ZC3H11A: variants seen among roughly 807,000 people sequenced by gnomAD.
ZC3H11A encodes zinc finger CCCH-type containing 11A.
Under a neutral mutation model 90.8 loss-of-function variants are expected in ZC3H11A, and 22 were observed. The observed-to-expected ratio is 0.24, with a 90% confidence interval of 0.17 to 0.35. The LOEUF is 0.35. Ranked by LOEUF, ZC3H11A falls within the 10% of genes least tolerant of loss-of-function variation. The pLI, the probability that ZC3H11A is intolerant of heterozygous loss-of-function variation, is 1.00. For synonymous variants in ZC3H11A, 294 were observed against 339.8 expected, an observed-to-expected ratio of 0.87 and a Z score of 1.48; for missense variants, 701 against 964.9, an observed-to-expected ratio of 0.73 and a Z score of 3.62.
chr1:203,833,618 G>GTTGTT (rs1683192614), intron 9 of ZC3H11A, among the ~76,000 whole-genome samples, 173 bp from the exon 10 acceptor site: 1 of 124,832 alleles, frequency 8.0e-6, no homozygotes, highest in African/African-American at 2.9e-5. Flanking sequence ...ATAGGTTTGG[G>GTTGTT]TTTTTTTTTT....
chr1:203,803,161 T>C (rs1432478890), intron 2 of ZC3H11A, 145 bp downstream of exon 2: 1 of 152,194 alleles, frequency 6.6e-6, no homozygotes, highest in Non-Finnish European at 1.5e-5. Context: ...ATTTTTAGTT[T>C]TGGGATGGAA....
intron 2 of ZC3H11A, among the ~76,000 whole-genome samples, chr1:203,811,476 G>A (rs1674477759): frequency 6.6e-6 from 1 of 152,144 alleles, no homozygotes. Flanking sequence ...GATTTTGTGA[G>A]TGAGATTGAC....
intron 10 of ZC3H11A, 93 bp from the exon 11 acceptor site, chr1:203,837,873 C>A: frequency 1.7e-6 from 2 of 1,189,108 alleles, no homozygotes; most frequent in Non-Finnish European, 2.4e-6. Flanking sequence ...GAACACTTAA[C>A]AGAATTATGC....
Position 203,847,388 on chromosome 1 carries a change from G to A in ZC3H11A, c.1247G>A (p.Arg416Gln), listed in dbSNP as rs369444140. Reference protein sequence around the residue: ...FSEVLAEKKHRQQEAERQKSK... With the variant: ...FSEVLAEKKHQQQEAERQKSK... Reference sequence around the variant, plus strand: ...GAGGTCCTGGCTGAAAAAAAACATCGGCAGCAGGAAGCAGAGAGACAAAAA... The same window carrying A: ...GAGGTCCTGGCTGAAAAAAAACATCAGCAGCAGGAAGCAGAGAGACAAAAA... The change falls in exon 13 of 18, where the codon CGG becomes CAG. Residue 416 changes from arginine (R) to glutamine (Q), a missense_variant. Coordinates refer to ENST00000367210, the MANE Select transcript of ZC3H11A (RefSeq NM_001376342.1). 4.5e-5 allele frequency: 72 copies of A among 1,613,642 alleles called. No homozygotes were observed. Among genetic ancestry groups the A allele is most frequent in the Non-Finnish European group, 5.8e-5 (69 of 1,179,852 alleles).
chr1:203,795,931 T>C (rs1274882551), intron 1 of ZC3H11A, 137 bp downstream of exon 1: 1 of 151,918 alleles, frequency 6.6e-6, no homozygotes, highest in East Asian at 2.0e-4. Flanking sequence ...ATCCTTCAGC[T>C]TCGCCGTAAC....
At chr1:203,848,444 A>T in intron 14 of ZC3H11A, 37 bp downstream of exon 14, 2 of 1,514,112 alleles carry the variant, frequency 1.3e-6, no homozygotes, top group Non-Finnish European at 1.8e-6. Context: ...TGTTCATGGC[A>T]AACAAAGGCT....
At chr1:203,807,044 T>G (rs951433318) in intron 2 of ZC3H11A, among the ~76,000 whole-genome samples, 2 of 151,996 alleles carry the variant, frequency 1.3e-5, no homozygotes, top group Non-Finnish European at 2.9e-5. Context: ...GTAGTGTTAT[T>G]TATTTTATTT....
intron 12 of ZC3H11A, among the ~76,000 whole-genome samples, chr1:203,844,952 C>T (rs1239741765): frequency 6.6e-6 from 1 of 152,024 alleles, no homozygotes; most frequent in Non-Finnish European, 1.5e-5. Context: ...TTTTAGGGAG[C>T]AGTTCTCAGG....
rs181968774 is a variant in ZC3H11A at position 203,801,798 on chromosome 1, C to A, written c.-1364C>A. On this transcript the variant is annotated 5_prime_UTR_variant, in exon 2 of 18. Coordinates refer to ENST00000367210, the MANE Select transcript of ZC3H11A (RefSeq NM_001376342.1). ...AGAACTCATTTCTATGTATCAAAATCGGGTTTTTTTTGGTTTTGATTTTTT... is the reference window on the plus strand; with the variant it reads ...AGAACTCATTTCTATGTATCAAAATAGGGTTTTTTTTGGTTTTGATTTTTT... 7.3e-6 allele frequency: 1 copy of A among 137,216 alleles called. No homozygotes were observed. Among genetic ancestry groups the A allele is most frequent in the East Asian group, 2.2e-4 (1 of 4,530 alleles). 8.5% of individuals were successfully genotyped at this position (137,216 alleles called of 1,614,324 possible).
At chr1:203,829,758 T>C in intron 6 of ZC3H11A, 22 bp from the exon 7 acceptor site, 2 of 1,613,142 alleles carry the variant, frequency 1.2e-6, no homozygotes, top group Non-Finnish European at 1.7e-6. Context: ...ATTGTGAATT[T>C]GCCTTAAATG....
At chr1:203,797,663 G>T in intron 1 of ZC3H11A, 2 of 1,535,958 alleles carry the variant, frequency 1.3e-6, no homozygotes, top group South Asian at 2.4e-5. Context: ...AGGAAAAGAT[G>T]GTAGCAGAAG....
chr1:203,798,669 A>T, intron 1 of ZC3H11A: 1 of 1,536,152 alleles, frequency 6.5e-7, no homozygotes, highest in Non-Finnish European at 8.7e-7. Flanking sequence ...TGAAAGTCCT[A>T]TTCCCGTTGC....
intron 2 of ZC3H11A, among the ~76,000 whole-genome samples, chr1:203,813,335 T>C (rs931295353): frequency 6.6e-6 from 1 of 152,134 alleles, no homozygotes; most frequent in Non-Finnish European, 1.5e-5. Context: ...GCCTCCTCAG[T>C]AGCTGGGATC....
At chr1:203,840,632 A>ATTTAT (rs1685810836) in intron 12 of ZC3H11A, among the ~76,000 whole-genome samples, 1 of 150,942 alleles carries the variant, frequency 6.6e-6, no homozygotes, top group Non-Finnish European at 1.5e-5. Context: ...TTATTTATTT[A>ATTTAT]TTTATTTTAT....
chr1:203,846,133 A>G (rs2103377788), intron 12 of ZC3H11A, among the ~76,000 whole-genome samples: 1 of 146,354 alleles, frequency 6.8e-6, no homozygotes, highest in Admixed American at 6.8e-5. Flanking sequence ...AAAAAAAAAA[A>G]AAGATTTTGA....
intron 4 of ZC3H11A, among the ~76,000 whole-genome samples, chr1:203,827,249 A>G (rs539843242): frequency 3.3e-5 from 5 of 152,322 alleles, no homozygotes; most frequent in Admixed American, 2.0e-4. Flanking sequence ...ATTGCTGTGA[A>G]CATTGCTTAT....
chr1:203,796,324 C>T (rs946424901), intron 1 of ZC3H11A: 6 of 398,292 alleles, frequency 1.5e-5, no homozygotes, highest in Non-Finnish European at 2.7e-5. Context: ...GTCTCAAACT[C>T]CACATACAGA....
In ZC3H11A at chr1:203,847,339, A is replaced by G; in HGVS notation, c.1198A>G (p.Thr400Ala). The G allele has an allele frequency of 1.9e-6, 3 of 1,613,986 alleles. No individual in the cohort carries two copies. In the South Asian group the frequency reaches 3.3e-5, roughly 18 times the overall value. The change falls in exon 13 of 18, where the codon ACT (threonine) becomes GCT (alanine). Residue 400 changes from threonine (T) to alanine (A), a missense_variant. Physicochemically the swap from Thr to Ala is moderately conservative, Grantham distance 58 (BLOSUM62 0). Around this residue, in one of 4 missense-constraint regions of ZC3H11A, gnomAD observed 530 missense variants for 696.2 expected, o/e 0.76. Coordinates refer to ENST00000367210, the MANE Select transcript of ZC3H11A (RefSeq NM_001376342.1). ...DSTSGARSSS[T>A]IRIKTFSEVL... ...TACTTCAGGAGCAAGAAGCTCCTCC[A>G]CTATCCGTATCAAAACCTTCTCTGA...
intron 4 of ZC3H11A, among the ~76,000 whole-genome samples, chr1:203,827,019 A>G (rs1268097704): frequency 6.6e-6 from 1 of 152,172 alleles, no homozygotes; most frequent in Non-Finnish European, 1.5e-5. Context: ...ACCATGGAGA[A>G]GTTTTGACTG....
Sources: gnomAD v4.1 joint callset for allele counts (sites outside exome capture counted in the v4.1 genomes callset) on GRCh38, gnomAD v4.1.1 for gene constraint, gnomAD v4.1.1 regional missense constraint, MANE v1.5 for transcripts, NCBI Gene and HGNC (gene_info 2026-07-23, HGNC 2026-07-21) for gene names.